Variants in HERC1 observed in about 807,000 individuals in gnomAD.
HERC1 encodes the protein HECT and RLD domain containing E3 ubiquitin protein ligase family member 1, also known as probable E3 ubiquitin-protein ligase HERC1.
A neutral mutation model predicts 554.3 loss-of-function variants in HERC1; 160 were observed. The observed-to-expected ratio is 0.29, with a 90% CI of 0.25 to 0.33. The LOEUF is 0.33. Among genes scored for constraint, HERC1 ranks in the 10% least tolerant of loss-of-function variants. HERC1 has a pLI of 1.00. For missense variants in HERC1, 4,919 were observed against 5,918.5 expected (o/e 0.83, Z 5.54); for synonymous variants, 2,175 against 2,131.7 (o/e 1.02, Z -0.56).
intron 45 of HERC1, 30 bp downstream of exon 45, chr15:63,661,723 G>A (rs2070370170): frequency 6.2e-7 from 1 of 1,605,900 alleles, no homozygotes. Context: ...ATCTTCAGGA[G>A]GTCTGGATAT....
chr15:63,828,766 C>A (rs2078026895), intron 1 of HERC1, among the ~76,000 whole-genome samples: 1 of 151,964 alleles, frequency 6.6e-6, no homozygotes, highest in Admixed American at 6.6e-5. Flanking sequence ...GGAACAGTAA[C>A]AATAACAAAT....
rs2069666826 is a variant in HERC1, at chr15:63,651,384, G to T, written c.10419-4C>A. ...GCTTTCCTCAGCATCCCCTTCCCTA[G>T]AATATAACAGACAGATATGCAGTTC... On this transcript the variant is annotated splice_polypyrimidine_tract_variant and splice_region_variant and intron_variant, in intron 52 of 77. Coordinates refer to ENST00000443617, the MANE Select transcript of HERC1 (RefSeq NM_003922.4). The T allele has an allele frequency of 6.2e-7, 1 of 1,610,964 alleles. No individual in the cohort carries two copies. Among genetic ancestry groups the T allele is most frequent in the Non-Finnish European group, 8.5e-7 (1 of 1,178,604 alleles).
intron 1 of HERC1, among the ~76,000 whole-genome samples, chr15:63,791,783 CCTTA>C (rs1368161841): frequency 6.6e-6 from 1 of 152,052 alleles, no homozygotes; most frequent in African/African-American, 2.4e-5. Context: ...TGAATTTTTT[CCTTA>C]CTAAGAATAA....
At chr15:63,611,544 G>A (rs2067592160) in intron 77 of HERC1, among the ~76,000 whole-genome samples, 1 of 152,180 alleles carries the variant, frequency 6.6e-6, no homozygotes, top group South Asian at 2.1e-4. Context: ...GGTTATCGTT[G>A]CTCCCCACAT....
chr15:63,748,241 A>T (rs79790626), intron 10 of HERC1, among the ~76,000 whole-genome samples: 2,487 of 152,238 alleles, frequency 0.016, 59 homozygotes, highest in African/African-American at 0.057. Flanking sequence ...ATATATATAT[A>T]CATATATACA....
At chr15:63,690,366 A>G (rs760093477) in intron 32 of HERC1, among the ~76,000 whole-genome samples, 175 bp downstream of exon 32, 13 of 151,932 alleles carry the variant, frequency 8.6e-5, no homozygotes, top group Non-Finnish European at 1.9e-4. Context: ...CCCATAACTT[A>G]ATTTTTTTTG....
rs555397528 is a variant in HERC1 at position 63,804,244 on chromosome 15, T to C, written c.-26-28595A>G. 3.9e-5 allele frequency among the ~76,000 whole-genome samples: 6 copies of C among 152,294 alleles called. 1 individual carries two copies. In the South Asian group the frequency reaches 1.2e-3, roughly 32 times the overall value. On this transcript the variant is annotated intron_variant, in intron 1 of 77. Transcript: ENST00000443617. ...GTAAGATTTCTTAAATAGCACACAA[T>C]AAATTGATAAGCTAGACCTGATCTA...
In HERC1 at chr15:63,756,330, G is replaced by C. The variant is rs1167325411; in HGVS notation, c.1533+107C>G. ...CAGAGATACAAAAGATTAAGCCAAA[G>C]GGTTGAAGGGGCAACTGCAGAAAGA... On this transcript the variant is annotated intron_variant, in intron 5 of 77. Coordinates refer to ENST00000443617, the MANE Select transcript of HERC1 (RefSeq NM_003922.4). The surrounding 1 kb of genome is among the most constrained non-coding windows in gnomAD (Gnocchi z 5.0). The C allele has an allele frequency of 3.5e-6, 3 of 859,290 alleles. No individual in the cohort carries two copies. Among genetic ancestry groups the C allele is most frequent in the Non-Finnish European group, 5.6e-6 (3 of 536,518 alleles). 53.2% of individuals were successfully genotyped at this position (859,290 alleles called of 1,614,324 possible). A position where few individuals can be genotyped will look rare whatever the true frequency, so the allele number is the denominator to read the frequency against.
At chr15:63,686,584 G>A (rs755144963) in intron 33 of HERC1, 49 bp from the exon 34 acceptor site, 2 of 1,516,798 alleles carry the variant, frequency 1.3e-6, no homozygotes, top group South Asian at 1.2e-5. Flanking sequence ...CCATGTCTCA[G>A]ATAAGATATA....
In HERC1 at chr15:63,641,621, G is replaced by A. The variant is rs1443231254; in HGVS notation, c.11456C>T (p.Thr3819Ile). Residue 3819 changes from threonine (T) to isoleucine (I), a missense_variant, in exon 60 of 78, where the codon ACA (threonine) becomes ATA (isoleucine). This residue lies in a region of HERC1 where 1,963 missense variants were observed against 2,228.6 expected (regional missense o/e 0.88). Transcript: ENST00000443617. ...RSKDVLVVNC[T>I]AEWAAANHVL... Reference sequence around the variant, plus strand: ...ATGATTGGCAGCTGCCCATTCTGCTGTACAATTCACGACCAAAACATCCTG... The same window carrying A: ...ATGATTGGCAGCTGCCCATTCTGCTATACAATTCACGACCAAAACATCCTG... The A allele has an allele frequency of 5.1e-6, 8 of 1,561,402 alleles. No homozygotes were observed. The South Asian group carries it at 9.4e-5, about 18-fold the overall frequency.
rs200039834 is a variant in HERC1 at position 63,693,237 on chromosome 15, TTTTC to T, written c.5675-675_5675-672del. Among the ~76,000 whole-genome samples, 145 of 90,846 alleles carry T rather than the reference TTTTC, an allele frequency of 1.6e-3. 3 individuals carry two copies. In the East Asian group the frequency reaches 0.023, roughly 14 times the overall value. The allele number at this position is 90,846 out of a possible 152,430, so 59.6% of individuals were successfully genotyped here. A position where few individuals can be genotyped will look rare whatever the true frequency, so the allele number is the denominator to read the frequency against. ...TATCAAAACCCTTGGTGCTGGGGAATTTTCTTTTTCTTTTTTTTTTTTTTGAGAC... is the reference window on the plus strand; with the variant it reads ...TATCAAAACCCTTGGTGCTGGGGAATTTTTTCTTTTTTTTTTTTTTGAGAC... On this transcript the variant is annotated intron_variant, in intron 30 of 77. Transcript: ENST00000443617.
rs2228510 is a variant in HERC1 at position 63,678,257 on chromosome 15, T to C, written c.6658A>G (p.Ile2220Val). The C allele has an allele frequency of 0.51, 819,866 of 1,612,970 alleles. 217,062 individuals are homozygous for C. Among genetic ancestry groups the C allele is most frequent in the Non-Finnish European group, 0.55 (652,380 of 1,179,416 alleles). The change falls in exon 37 of 78, where the codon ATC becomes GTC. Residue 2220 changes from isoleucine (I) to valine (V), a missense_variant. Ile to Val is a conservative substitution (Grantham distance 29). Coordinates refer to ENST00000443617, the MANE Select transcript of HERC1 (RefSeq NM_003922.4). ...AVLAEATIQL[I>V]RILHRTDRWT... ...CGGTCTGTTCGGTGAAGGATACGGA[T>C]GAGCTGAATAGTGGCCTCAGCCAGC...
At position 63,716,307 on chromosome 15, in the gene HERC1, G is replaced by A. The variant is rs1211740640; in HGVS notation, c.4145C>T (p.Ala1382Val). ...EEEREHEVMT[A>V]GKIFQCFLSA... ...AGTAAGAAGGGTATACTCACTGCCA[G>A]CTGTCATCACTTCATGTTCCCGTTC... The change falls in exon 22 of 78, where the codon GCT (alanine) becomes GTT (valine). Residue 1382 changes from alanine (A) to valine (V), a missense_variant. Ala to Val is a moderately conservative substitution (Grantham distance 64). Transcript: ENST00000443617. 8 of 1,612,634 alleles carry A rather than the reference G, an allele frequency of 5.0e-6. No individual in the cohort carries two copies. Among genetic ancestry groups the A allele is most frequent in the African/African-American group, 1.3e-5 (1 of 74,794 alleles).
Position 63,645,619 on chromosome 15 carries a change from C to A in HERC1, c.10942G>T (p.Asp3648Tyr), listed in dbSNP as rs756615367. 6.2e-7 allele frequency: 1 copy of A among 1,612,102 alleles called. No homozygotes were observed. The highest frequency in any genetic ancestry group is 8.5e-7 in the Non-Finnish European group (1 of 1,179,040). The stretch of plus-strand genomic sequence containing the variant: ...ATAGAGCCCCAGAGTTTCACACTGT[C>A]TTCTTTGGCACATGTCATAAGAATA... ...GHILMTCAKE[D>Y]SVKLWGSISG... The change falls in exon 56 of 78, where the codon GAC (aspartate) becomes TAC (tyrosine). Residue 3648 changes from aspartate (D) to tyrosine (Y), a missense_variant. Transcript: ENST00000443617.
intron 33 of HERC1, 35 bp from the exon 34 acceptor site, chr15:63,686,570 T>C (rs758955818): frequency 6.3e-7 from 1 of 1,579,920 alleles, no homozygotes; most frequent in Non-Finnish European, 8.6e-7. Context: ...CATTTTGGAA[T>C]AATCCATGTC....
At position 63,642,963 on chromosome 15, in the gene HERC1, T is replaced by C. The variant is rs369222257; in HGVS notation, c.11427A>G (p.Arg3809=). The C allele has an allele frequency of 6.3e-7, 1 of 1,576,298 alleles. No individual in the cohort carries two copies. Among genetic ancestry groups the C allele is most frequent in the South Asian group, 1.1e-5 (1 of 89,996 alleles). Residue 3809 remains arginine (R), a synonymous_variant, in exon 59 of 78, where the codon AGA becomes AGG. Coordinates refer to ENST00000443617, the MANE Select transcript of HERC1 (RefSeq NM_003922.4). ...GATATAACTACAATATTACCTTTGA[T>C]CTATTTGAGCAAGCAGCTACTCCAA... ...PEVGVAACSN[R]SKDVLVVNCT...
chr15:63,726,815 C>T (rs949683696), intron 17 of HERC1, among the ~76,000 whole-genome samples: 1 of 151,958 alleles, frequency 6.6e-6, no homozygotes, highest in Non-Finnish European at 1.5e-5. Context: ...AAGAAAGTTC[C>T]GCGTTCATGT....
intron 51 of HERC1, 89 bp downstream of exon 51, chr15:63,654,030 G>A: frequency 1.1e-6 from 1 of 951,836 alleles, no homozygotes; most frequent in Admixed American, 1.8e-5. Context: ...CACAAAGAGA[G>A]AGACCTAAAC....
Position 63,758,418 on chromosome 15 carries a change from T to G in HERC1, c.1027-49A>C. ...ACAAATAGTCAAGACAGTTTTAGTC[T>G]GGGCATTTTTTATACATATCCTCTG... On this transcript the variant is annotated intron_variant, in intron 3 of 77. Transcript: ENST00000443617. This position sits in a 1 kb window ranked among gnomAD's most constrained non-coding sequence, Gnocchi z 4.0. The G allele has an allele frequency of 7.2e-7, 1 of 1,389,252 alleles. No individual in the cohort carries two copies. The allele number at this position is 1,389,252 out of a possible 1,614,324, so 86.1% of individuals were successfully genotyped here.
Sources: gnomAD v4.1 joint callset for allele counts (sites outside exome capture counted in the v4.1 genomes callset) on GRCh38, gnomAD v4.1.1 for gene constraint, gnomAD v4.1.1 regional missense constraint, Gnocchi (gnomAD v3.1) non-coding constraint, MANE v1.5 for transcripts, NCBI Gene and HGNC (gene_info 2026-07-23, HGNC 2026-07-21) for gene names.